The following UBE3A variants were observed in gnomAD, a reference collection of about 807,000 sequenced individuals.
The protein encoded by UBE3A is ubiquitin-protein ligase E3A.
In UBE3A, 6 loss-of-function variants were observed where a neutral mutation model predicts 83.4. The observed-to-expected ratio is 0.07, with a 90% confidence interval of 0.04 to 0.14. The LOEUF is 0.14. Among genes scored for constraint, UBE3A ranks in the 10% least tolerant of loss-of-function variants. The pLI, the probability that UBE3A is intolerant of heterozygous loss-of-function variation, is 1.00. For missense variants in UBE3A, 456 were observed against 1,036.1 expected (o/e 0.44, Z 7.69); for synonymous variants, 337 against 355.4 (o/e 0.95, Z 0.58).
intron 6 of UBE3A, among the ~76,000 whole-genome samples, chr15:25,368,437 A>C (rs1448541271): frequency 1.3e-5 from 2 of 152,116 alleles, no homozygotes; most frequent in East Asian, 3.9e-4. Context: ...GTTAAGAGTA[A>C]AATCTGCTTA....
At chr15:25,364,752 T>C (rs2078789797) in intron 6 of UBE3A, among the ~76,000 whole-genome samples, 3 of 151,472 alleles carry the variant, frequency 2.0e-5, no homozygotes, top group Admixed American at 2.0e-4. Context: ...CATGCCATTC[T>C]CCTGCCTCAG....
At chr15:25,436,224 C>A (rs1895036684) in intron 1 of UBE3A, among the ~76,000 whole-genome samples, 1 of 152,196 alleles carries the variant, frequency 6.6e-6, no homozygotes, top group Non-Finnish European at 1.5e-5. Flanking sequence ...AAGACTTCAT[C>A]CAGTATTTTA....
intron 6 of UBE3A, among the ~76,000 whole-genome samples, chr15:25,364,729 C>T (rs1435976391): frequency 7.3e-5 from 11 of 151,442 alleles, no homozygotes; most frequent in Admixed American, 4.6e-4. Flanking sequence ...CTGCAAGCCC[C>T]GCCTCCCAGG....
intron 5 of UBE3A, chr15:25,373,984 G>A (rs1163946927): frequency 1.3e-5 from 2 of 152,006 alleles, no homozygotes; most frequent in African/African-American, 4.8e-5. Context: ...AACCTCCTAC[G>A]CAAAAACAGT....
At chr15:25,392,748 G>T (rs2084693723) in intron 4 of UBE3A, among the ~76,000 whole-genome samples, 1 of 152,006 alleles carries the variant, frequency 6.6e-6, no homozygotes, top group African/African-American at 2.4e-5. Context: ...AAAGCACAGG[G>T]GCCTGAAAAC....
At chr15:25,398,091 C>T (rs1052274123) in intron 4 of UBE3A, among the ~76,000 whole-genome samples, 1 of 147,358 alleles carries the variant, frequency 6.8e-6, no homozygotes, top group Non-Finnish European at 1.5e-5. Context: ...ATCATTTGAA[C>T]CCAGGAAGCA....
intron 1 of UBE3A, among the ~76,000 whole-genome samples, chr15:25,433,407 CG>C (rs1425721266): frequency 6.6e-6 from 1 of 151,974 alleles, no homozygotes; most frequent in Non-Finnish European, 1.5e-5. Context: ...AGGATGGTCT[CG>C]ATCTCCTGAT....
intron 4 of UBE3A, among the ~76,000 whole-genome samples, chr15:25,404,080 A>AAAATTTTAC (rs2087842838): frequency 1.3e-5 from 2 of 152,248 alleles, no homozygotes; most frequent in African/African-American, 2.4e-5. Flanking sequence ...GGTGAAATGG[A>AAAATTTTAC]AAATTTTACA....
intron 4 of UBE3A, among the ~76,000 whole-genome samples, chr15:25,390,520 T>C (rs2084098917): frequency 6.6e-6 from 1 of 151,908 alleles, no homozygotes. Context: ...TAAGTAAAAA[T>C]AGTCAAGCTG....
In UBE3A at chr15:25,333,754, T is replaced by A. The variant is rs571167971; in HGVS notation, c.*5383A>T. On this transcript the variant is annotated 3_prime_UTR_variant, in exon 13 of 13. Coordinates refer to ENST00000648336, the MANE Select transcript of UBE3A (RefSeq NM_130839.5). Reference sequence around the variant, plus strand: ...CCAGCAGCATAGAACAAGGTTTATGTAGCATGGACAACTGAGATTATCCCA... The same window carrying A: ...CCAGCAGCATAGAACAAGGTTTATGAAGCATGGACAACTGAGATTATCCCA... The A allele has an allele frequency of 2.5e-4, 38 of 152,280 alleles. No individual in the cohort carries two copies. Among genetic ancestry groups the A allele is most frequent in the African/African-American group, 8.7e-4 (36 of 41,560 alleles). 9.4% of individuals were successfully genotyped at this position (152,280 alleles called of 1,614,324 possible). A position where few individuals can be genotyped will look rare whatever the true frequency, so the allele number is the denominator to read the frequency against.
At chr15:25,351,901 A>G (rs1224171713) in intron 11 of UBE3A, among the ~76,000 whole-genome samples, 1 of 152,040 alleles carries the variant, frequency 6.6e-6, no homozygotes, top group Non-Finnish European at 1.5e-5. Context: ...ATTCAGATTC[A>G]GAGTTGATTT....
At chr15:25,397,808 T>C (rs574863293) in intron 4 of UBE3A, among the ~76,000 whole-genome samples, 1 of 152,244 alleles carries the variant, frequency 6.6e-6, no homozygotes, top group East Asian at 1.9e-4. Context: ...AGTTACATCA[T>C]CAGCAAAGTG....
chr15:25,349,276 A>G (rs1222881437), intron 11 of UBE3A, among the ~76,000 whole-genome samples: 1 of 152,238 alleles, frequency 6.6e-6, no homozygotes, highest in African/African-American at 2.4e-5. Flanking sequence ...TTGGTGGTGG[A>G]TCACAGATTT....
intron 6 of UBE3A, among the ~76,000 whole-genome samples, chr15:25,367,070 G>A (rs1329798442): frequency 1.3e-5 from 2 of 151,136 alleles, no homozygotes; most frequent in South Asian, 2.1e-4. Context: ...CCTTTAAGAA[G>A]TAATTTAAAA....
chr15:25,398,310 T>C (rs1265625461), intron 4 of UBE3A, among the ~76,000 whole-genome samples: 1 of 152,104 alleles, frequency 6.6e-6, no homozygotes, highest in East Asian at 1.9e-4. Context: ...CACATACTTA[T>C]ATTTTATGGC....
intron 1 of UBE3A, among the ~76,000 whole-genome samples, chr15:25,421,431 CATT>C (rs900733637): frequency 3.9e-5 from 6 of 152,030 alleles, no homozygotes; most frequent in African/African-American, 9.7e-5. Flanking sequence ...AACGCAAGGA[CATT>C]ATTATTATTA....
intron 1 of UBE3A, among the ~76,000 whole-genome samples, chr15:25,433,620 A>G (rs1159926046): frequency 6.6e-6 from 1 of 152,222 alleles, no homozygotes; most frequent in East Asian, 1.9e-4. Flanking sequence ...CCTGCTCATG[A>G]CCATTACGAA....
At chr15:25,400,613 T>C (rs907518476) in intron 4 of UBE3A, among the ~76,000 whole-genome samples, 15 of 152,356 alleles carry the variant, frequency 9.8e-5, no homozygotes, top group African/African-American at 2.6e-4. Flanking sequence ...TTTAGATAAT[T>C]TGTCATTAAT....
intron 6 of UBE3A, among the ~76,000 whole-genome samples, chr15:25,365,974 C>G (rs552055337): frequency 3.9e-5 from 6 of 152,264 alleles, no homozygotes; most frequent in Admixed American, 2.0e-4. Flanking sequence ...GGAATCCTGA[C>G]TTCTATTTCC....
Sources: gnomAD v4.1 joint callset for allele counts (sites outside exome capture counted in the v4.1 genomes callset) on GRCh38, gnomAD v4.1.1 for gene constraint, MANE v1.5 for transcripts, NCBI Gene and HGNC (gene_info 2026-07-23, HGNC 2026-07-21) for gene names.